Variants in CEP112 observed in about 807,000 individuals in gnomAD.
CEP112 encodes the protein centrosomal protein of 112 kDa.
In CEP112, 127 loss-of-function variants were observed where a neutral mutation model predicts 153.0. That is an observed-to-expected ratio of 0.83 (90% CI 0.72 to 0.96). CEP112 has a LOEUF of 0.96. CEP112 is among the 40% of genes least tolerant of loss of function. CEP112 has a pLI of 0.00. For synonymous variants in CEP112, 358 were observed against 374.4 expected, an observed-to-expected ratio of 0.96 and a Z score of 0.51; for missense variants, 1,089 against 1,101.2, an observed-to-expected ratio of 0.99 and a Z score of 0.16.
intron 20 of CEP112, among the ~76,000 whole-genome samples, chr17:65,862,528 C>T (rs2058343914): frequency 6.6e-6 from 1 of 152,282 alleles, no homozygotes; most frequent in South Asian, 2.1e-4. Context: ...GCGGAGCTTG[C>T]AGTGAGCCGA....
chr17:65,925,105 C>G (rs1286329986), intron 19 of CEP112, among the ~76,000 whole-genome samples: 1 of 152,172 alleles, frequency 6.6e-6, no homozygotes, highest in Non-Finnish European at 1.5e-5. Flanking sequence ...AAGGGCGGGA[C>G]CAGGTGGAGA....
chr17:65,849,873 G>A (rs993613079), intron 21 of CEP112, among the ~76,000 whole-genome samples: 3 of 152,082 alleles, frequency 2.0e-5, no homozygotes, highest in African/African-American at 7.2e-5. Flanking sequence ...ATATTTCCTG[G>A]CCTGGCGCGG....
chr17:66,123,423 A>G (rs1424320013), intron 6 of CEP112, among the ~76,000 whole-genome samples: 1 of 152,334 alleles, frequency 6.6e-6, no homozygotes, highest in African/African-American at 2.4e-5. Flanking sequence ...TGTGAAGCTG[A>G]GCTGGAGAAG....
intron 22 of CEP112, among the ~76,000 whole-genome samples, chr17:65,743,911 G>A (rs1047983067): frequency 2.6e-5 from 4 of 151,338 alleles, no homozygotes; most frequent in Non-Finnish European, 4.4e-5. Context: ...ACAGGTGCCC[G>A]TCACGATGCC....
At chr17:65,970,290 G>A (rs1269489104) in intron 17 of CEP112, among the ~76,000 whole-genome samples, 1 of 144,842 alleles carries the variant, frequency 6.9e-6, no homozygotes, top group Non-Finnish European at 1.5e-5. Context: ...TAGCATGGAT[G>A]TCATACTGCA....
chr17:65,709,532 G>A (rs575816102), intron 23 of CEP112, among the ~76,000 whole-genome samples: 104 of 152,288 alleles, frequency 6.8e-4, no homozygotes, highest in Non-Finnish European at 1.2e-3. Flanking sequence ...ACCGTATGGG[G>A]GAACTGCCCC....
chr17:65,963,662 G>GAT (rs1450329777), intron 17 of CEP112, among the ~76,000 whole-genome samples: 10 of 146,202 alleles, frequency 6.8e-5, no homozygotes, highest in African/African-American at 2.1e-4. Context: ...TATAGATATA[G>GAT]ATATAGATAG....
chr17:65,954,068 A>C (rs2144670937), intron 18 of CEP112, among the ~76,000 whole-genome samples: 1 of 152,254 alleles, frequency 6.6e-6, no homozygotes, highest in Middle Eastern at 3.4e-3. Context: ...CACTAAACAA[A>C]AACACAACCA....
chr17:66,111,589 A>T (rs551825724), intron 6 of CEP112, among the ~76,000 whole-genome samples: 3 of 152,338 alleles, frequency 2.0e-5, no homozygotes, highest in South Asian at 2.1e-4. Context: ...CACTTAGCAA[A>T]CTATTAAAAA....
chr17:66,161,060 C>T (rs2071679887), intron 4 of CEP112, among the ~76,000 whole-genome samples: 1 of 151,608 alleles, frequency 6.6e-6, no homozygotes, highest in Non-Finnish European at 1.5e-5. Context: ...GGTATTTATG[C>T]CACCAACAAA....
rs2073150788 is a variant in CEP112 at position 66,191,217 on chromosome 17, C to G, written c.-9+780G>C. 6.6e-6 allele frequency among the ~76,000 whole-genome samples: 1 copy of G among 152,208 alleles called. No individual in the cohort carries two copies. The highest frequency in any genetic ancestry group is 1.5e-5 in the Non-Finnish European group (1 of 68,052). ...GACCTAGGTTCTTAGTGGACAGTGA[C>G]AGCTGGGCCTGAACACTGCACAAAT... On this transcript the variant is annotated intron_variant, in intron 1 of 26. Transcript: ENST00000535342. This position sits in a 1 kb window ranked among gnomAD's most constrained non-coding sequence, Gnocchi z 4.2.
intron 4 of CEP112, among the ~76,000 whole-genome samples, chr17:66,148,023 A>G (rs1411279537): frequency 6.6e-6 from 1 of 152,196 alleles, no homozygotes; most frequent in Admixed American, 6.5e-5. Context: ...AGGATACTGT[A>G]TTAGTCTGTT....
At chr17:66,150,272 A>C (rs1482091194) in intron 4 of CEP112, among the ~76,000 whole-genome samples, 1 of 145,996 alleles carries the variant, frequency 6.8e-6, no homozygotes, top group African/African-American at 2.6e-5. Flanking sequence ...ATCTTGGCTC[A>C]CTGTTAGCTC....
chr17:65,991,303 C>A (rs926580901), intron 17 of CEP112, among the ~76,000 whole-genome samples: 1 of 152,108 alleles, frequency 6.6e-6, no homozygotes, highest in Non-Finnish European at 1.5e-5. Context: ...CTCTTGCTCC[C>A]CAACTCTATA....
intron 25 of CEP112, among the ~76,000 whole-genome samples, chr17:65,639,408 T>A (rs2044969695): frequency 6.6e-6 from 1 of 152,138 alleles, no homozygotes; most frequent in Non-Finnish European, 1.5e-5. Flanking sequence ...CAAAGTGGGC[T>A]GGGCACGGTG....
At chr17:66,055,678 T>C (rs2319121) in intron 11 of CEP112, among the ~76,000 whole-genome samples, 62,499 of 152,046 alleles carry the variant, frequency 0.41, 14,322 homozygotes, top group East Asian at 0.87. Context: ...TGGTTTCTCA[T>C]GTGTCTTCCA....
chr17:65,953,200 T>C (rs996610019), intron 18 of CEP112, among the ~76,000 whole-genome samples: 1 of 152,230 alleles, frequency 6.6e-6, no homozygotes, highest in African/African-American at 2.4e-5. Context: ...TTCTCAGACA[T>C]GTTAAGTTTT....
At chr17:65,813,731 T>A (rs142141661) in intron 21 of CEP112, among the ~76,000 whole-genome samples, 4 of 152,202 alleles carry the variant, frequency 2.6e-5, no homozygotes, top group Non-Finnish European at 4.4e-5. Context: ...ACAATCAGTA[T>A]CTTCTTCCAT....
At chr17:65,982,282 A>G (rs1385355663) in intron 17 of CEP112, among the ~76,000 whole-genome samples, 1 of 152,176 alleles carries the variant, frequency 6.6e-6, no homozygotes, top group Non-Finnish European at 1.5e-5. Flanking sequence ...AATTCGTCAG[A>G]GTGCTTTTGG....
Sources: gnomAD v4.1 joint callset for allele counts (sites outside exome capture counted in the v4.1 genomes callset) on GRCh38, gnomAD v4.1.1 for gene constraint, Gnocchi (gnomAD v3.1) non-coding constraint, MANE v1.5 for transcripts, NCBI Gene and HGNC (gene_info 2026-07-23, HGNC 2026-07-21) for gene names.